CTNNA3: variants seen among roughly 807,000 people sequenced by gnomAD.
The protein encoded by CTNNA3 is catenin alpha-3.
CTNNA3 carries 76 observed loss-of-function variants against 95.7 expected under a neutral mutation model. The ratio of observed to expected loss-of-function variants is 0.79; its 90% CI spans 0.66 to 0.96. CTNNA3 has a LOEUF of 0.96. Among genes scored for constraint, CTNNA3 ranks in the 40% least tolerant of loss-of-function variants. The pLI, the probability that CTNNA3 is intolerant of heterozygous loss-of-function variation, is 0.00. For synonymous variants in CTNNA3, 431 were observed against 374.4 expected (o/e 1.15, Z -1.74); for missense variants, 1,191 against 1,089.8 (o/e 1.09, Z -1.31).
chr10:66,552,153 T>C (rs1027191931), intron 10 of CTNNA3, among the ~76,000 whole-genome samples: 1 of 152,112 alleles, frequency 6.6e-6, no homozygotes, highest in Non-Finnish European at 1.5e-5. Context: ...TCCACCCGCC[T>C]TGGCCTCCCA....
intron 7 of CTNNA3, among the ~76,000 whole-genome samples, chr10:66,887,441 G>GA (rs973013753): frequency 4.5e-4 from 68 of 152,088 alleles, no homozygotes; most frequent in African/African-American, 1.6e-3. Context: ...ATGAAAAAAT[G>GA]AAGTTTCATG....
chr10:67,583,771 T>C (rs1010289733), intron 3 of CTNNA3, among the ~76,000 whole-genome samples: 4 of 152,230 alleles, frequency 2.6e-5, no homozygotes, highest in Non-Finnish European at 5.9e-5. Context: ...TTCACTCTTT[T>C]TTCTCTAAAC....
intron 17 of CTNNA3, among the ~76,000 whole-genome samples, chr10:65,931,672 A>G (rs2077255739): frequency 6.6e-6 from 1 of 152,320 alleles, no homozygotes; most frequent in South Asian, 2.1e-4. Context: ...GGGAAATATT[A>G]AAGAGTTCTG....
chr10:66,694,274 G>T (rs1353522888), intron 9 of CTNNA3, among the ~76,000 whole-genome samples: 3 of 151,884 alleles, frequency 2.0e-5, no homozygotes, highest in Non-Finnish European at 4.4e-5. Context: ...AAATGATAAA[G>T]GGGATATCAC....
intron 15 of CTNNA3, among the ~76,000 whole-genome samples, chr10:66,008,060 T>C (rs2078932859): frequency 1.3e-5 from 2 of 152,124 alleles, no homozygotes; most frequent in Non-Finnish European, 2.9e-5. Flanking sequence ...CTGATGACAT[T>C]TGAGCATATT....
At chr10:66,006,838 T>A (rs2078897146) in intron 15 of CTNNA3, among the ~76,000 whole-genome samples, 1 of 152,200 alleles carries the variant, frequency 6.6e-6, no homozygotes, top group Non-Finnish European at 1.5e-5. Flanking sequence ...TGGCATAATA[T>A]TATTCTAAGG....
intron 13 of CTNNA3, among the ~76,000 whole-genome samples, chr10:66,168,933 T>C (rs1201362266): frequency 2.6e-5 from 4 of 152,190 alleles, no homozygotes; most frequent in Non-Finnish European, 5.9e-5. Context: ...CTAGAGATTA[T>C]AGTCCAAATA....
intron 9 of CTNNA3, among the ~76,000 whole-genome samples, chr10:66,757,823 G>T (rs1391144272): frequency 6.6e-6 from 1 of 152,070 alleles, no homozygotes; most frequent in Non-Finnish European, 1.5e-5. Context: ...GAACTGAGCT[G>T]ATATCTACTT....
At position 66,489,293 on chromosome 10, in the gene CTNNA3, A is replaced by G. The variant is rs1839838815; in HGVS notation, c.1531+31324T>C. Among the ~76,000 whole-genome samples the G allele has an allele frequency of 2.0e-5, 3 of 152,288 alleles. No individual in the cohort carries two copies. In the South Asian group the frequency reaches 6.2e-4, roughly 32 times the overall value. ...ATCTCTTGTCCATAAACAGTTCATG[A>G]GAGAGTTTCAGTTACATTTCTAAAT... is the stretch of plus-strand genomic sequence containing the variant. On this transcript the variant is annotated intron_variant, in intron 11 of 17. Transcript: ENST00000433211.
At chr10:66,649,789 C>T (rs902919831) in intron 9 of CTNNA3, among the ~76,000 whole-genome samples, 1 of 152,206 alleles carries the variant, frequency 6.6e-6, no homozygotes, top group Non-Finnish European at 1.5e-5. Flanking sequence ...CAGCCCTGGC[C>T]CTTGGTCAGA....
intron 10 of CTNNA3, among the ~76,000 whole-genome samples, chr10:66,598,274 T>A (rs1412669034): frequency 3.3e-5 from 5 of 151,978 alleles, no homozygotes; most frequent in African/African-American, 4.8e-5. Context: ...CACAGTAAAG[T>A]CCATTTATGA....
chr10:66,255,668 A>G (rs1158987738), intron 13 of CTNNA3, among the ~76,000 whole-genome samples: 1 of 152,048 alleles, frequency 6.6e-6, no homozygotes, highest in Non-Finnish European at 1.5e-5. Flanking sequence ...TATCCTCCTC[A>G]TATACTTGCA....
chr10:65,921,509 T>C (rs2077085694), intron 17 of CTNNA3, among the ~76,000 whole-genome samples: 1 of 152,256 alleles, frequency 6.6e-6, no homozygotes, highest in Non-Finnish European at 1.5e-5. Context: ...TTTCTACTCG[T>C]AGGACACTAG....
rs1046948605 is a variant in CTNNA3, at chr10:66,683,318, T to C, written c.1282-61534A>G. 3.9e-5 allele frequency among the ~76,000 whole-genome samples: 6 copies of C among 152,314 alleles called. No individual in the cohort carries two copies. The South Asian group carries it at 8.3e-4, about 21-fold the overall frequency. On this transcript the variant is annotated intron_variant, in intron 9 of 17. Coordinates refer to ENST00000433211, the MANE Select transcript of CTNNA3 (RefSeq NM_013266.4). ...AAAACCTTCTTATGATATTAAAATG[T>C]TCACCTTTGAGGAAGAAAGTAGACT...
At chr10:67,499,544 T>G (rs539925472) in intron 5 of CTNNA3, among the ~76,000 whole-genome samples, 29 of 152,336 alleles carry the variant, frequency 1.9e-4, no homozygotes, top group African/African-American at 6.7e-4. Context: ...AGAATTCAGC[T>G]GTGAATCCGT....
intron 13 of CTNNA3, among the ~76,000 whole-genome samples, chr10:66,238,964 G>T (rs1010710907): frequency 2.0e-5 from 3 of 151,704 alleles, no homozygotes; most frequent in African/African-American, 7.3e-5. Context: ...ATAGTTAATG[G>T]AGAATCAACA....
chr10:66,430,049 G>C (rs1340747004), intron 11 of CTNNA3, among the ~76,000 whole-genome samples: 2 of 128,056 alleles, frequency 1.6e-5, no homozygotes, highest in Non-Finnish European at 3.3e-5. Context: ...AGCAACTTCA[G>C]CAATGTCTCA....
At chr10:66,094,575 G>A (rs912946531) in intron 14 of CTNNA3, among the ~76,000 whole-genome samples, 8 of 152,008 alleles carry the variant, frequency 5.3e-5, no homozygotes, top group East Asian at 3.9e-4. Flanking sequence ...GTTCCCCTCC[G>A]CTTGAAAACG....
intron 7 of CTNNA3, among the ~76,000 whole-genome samples, chr10:66,915,239 C>T (rs1297187254): frequency 6.7e-6 from 1 of 148,428 alleles, no homozygotes; most frequent in East Asian, 2.0e-4. Context: ...AAACAATTTC[C>T]GAATACCAGG....
Sources: gnomAD v4.1 joint callset for allele counts (sites outside exome capture counted in the v4.1 genomes callset) on GRCh38, gnomAD v4.1.1 for gene constraint, MANE v1.5 for transcripts, NCBI Gene and HGNC (gene_info 2026-07-23, HGNC 2026-07-21) for gene names.